The following MRTFB variants were observed in gnomAD, a reference collection of about 807,000 sequenced individuals.
MRTFB encodes the protein myocardin related transcription factor B, also known as myocardin-related transcription factor B.
In MRTFB, 29 loss-of-function variants were observed where a neutral mutation model predicts 104.2. That is an observed-to-expected ratio of 0.28 (90% CI 0.21 to 0.38). The LOEUF is 0.38. Ranked by LOEUF, MRTFB falls within the 10% of genes least tolerant of loss-of-function variation. The pLI, the probability that MRTFB is intolerant of heterozygous loss-of-function variation, is 1.00. For synonymous variants in MRTFB, 535 were observed against 519.5 expected, an observed-to-expected ratio of 1.03 and a Z score of -0.41; for missense variants, 1,270 against 1,341.6, an observed-to-expected ratio of 0.95 and a Z score of 0.83.
intron 16 of MRTFB, among the ~76,000 whole-genome samples, chr16:14,260,354 TAAAAA>T (rs11334309): frequency 1.5e-5 from 2 of 129,226 alleles, no homozygotes; most frequent in African/African-American, 2.7e-5. Flanking sequence ...ACTGTAATGA[TAAAAA>T]AAAAAAAAAG....
At chr16:14,021,920 C>T in the MRTFB span, among the ~76,000 whole-genome samples, 2 of 152,036 alleles carry the variant, frequency 1.3e-5, no homozygotes, top group Non-Finnish European at 2.9e-5. Context: ...ACTTATTTCC[C>T]GCCGGGTAGA....
At chr16:14,068,562 T>G (rs553142728), upstream of MRTFB, among the ~76,000 whole-genome samples, 1 of 152,208 alleles carries the variant, frequency 6.6e-6, no homozygotes, top group South Asian at 2.1e-4. Context: ...TTGTTGCGTG[T>G]TGTTGTGTGT....
chr16:14,061,232 G>C, the MRTFB span, among the ~76,000 whole-genome samples: 1 of 152,124 alleles, frequency 6.6e-6, no homozygotes, highest in Admixed American at 6.5e-5. Flanking sequence ...TCTCAACAGA[G>C]CCAGCGCCAT....
chr16:14,188,438 C>T (rs1292757714), intron 3 of MRTFB, among the ~76,000 whole-genome samples: 1 of 151,362 alleles, frequency 6.6e-6, no homozygotes, highest in Non-Finnish European at 1.5e-5. Flanking sequence ...AAAAAGATGT[C>T]ACAACAGCAA....
chr16:14,069,726 C>T (rs2033583104), upstream of MRTFB, among the ~76,000 whole-genome samples: 1 of 152,316 alleles, frequency 6.6e-6, no homozygotes, highest in African/African-American at 2.4e-5. Context: ...AAGTGATCCT[C>T]CTGACTGGAC....
At chr16:14,244,423 C>T (rs2042926497) in intron 10 of MRTFB, among the ~76,000 whole-genome samples, 1 of 152,090 alleles carries the variant, frequency 6.6e-6, no homozygotes, top group African/African-American at 2.4e-5. Flanking sequence ...ATTGTGGGAT[C>T]ATAGGATAGG....
At position 14,171,310 on chromosome 16, in the gene MRTFB, C is replaced by T. The variant is rs141460521; in HGVS notation, c.154+30550C>T. ...AAATATACATAGTCTGGGCATGGTGCTCACGCCTGTAATCCCAGCACTTTG... is the reference window on the plus strand; with the variant it reads ...AAATATACATAGTCTGGGCATGGTGTTCACGCCTGTAATCCCAGCACTTTG... On this transcript the variant is annotated intron_variant, in intron 3 of 16. Coordinates refer to ENST00000571589, the MANE Select transcript of MRTFB (RefSeq NM_001308142.2). Among the ~76,000 whole-genome samples, 3 of 152,270 alleles carry T rather than the reference C, an allele frequency of 2.0e-5. No homozygotes were observed. In the East Asian group the frequency reaches 5.8e-4, roughly 29 times the overall value.
Position 14,246,505 on chromosome 16 carries a change from G to A in MRTFB, c.1245G>A (p.Arg415=). Reference sequence around the variant, plus strand: ...AACTGAAGACAGAACTGAAGTTAAGGGGTCTGCCAGTGTCAGGCACCAAAC... The same window carrying A: ...AACTGAAGACAGAACTGAAGTTAAGAGGTCTGCCAGTGTCAGGCACCAAAC... ...VSELKTELKL[R]GLPVSGTKPD... Residue 415 remains arginine (R), a synonymous_variant, in exon 12 of 17, where the codon AGG becomes AGA. Coordinates refer to ENST00000571589, the MANE Select transcript of MRTFB (RefSeq NM_001308142.2). 6.2e-7 allele frequency: 1 copy of A among 1,614,090 alleles called. No homozygotes were observed. The highest frequency in any genetic ancestry group is 1.1e-5 in the South Asian group (1 of 91,064).
At chr16:14,220,286 A>G (rs2041630929) in intron 8 of MRTFB, among the ~76,000 whole-genome samples, 1 of 152,216 alleles carries the variant, frequency 6.6e-6, no homozygotes, top group Admixed American at 6.5e-5. Flanking sequence ...AGTAGATACC[A>G]TTAACAAACA....
At chr16:14,137,222 C>T (rs921761599) in intron 2 of MRTFB, among the ~76,000 whole-genome samples, 1 of 152,074 alleles carries the variant, frequency 6.6e-6, no homozygotes, top group Non-Finnish European at 1.5e-5. Context: ...GTAGATTAGT[C>T]TATACCCTCT....
Position 14,246,844 on chromosome 16 carries a change from GATT to G in MRTFB, c.1587_1589del (p.Ile529del). 1 of 1,612,688 alleles carries G rather than the reference GATT, an allele frequency of 6.2e-7. No individual in the cohort carries two copies. Among genetic ancestry groups the G allele is most frequent in the Non-Finnish European group, 8.5e-7 (1 of 1,180,028 alleles). On this transcript the variant is annotated inframe_deletion, in exon 12 of 17. Transcript: ENST00000571589. ...CAAACATGGCAGACACTTTCACCGA[GATT>G]ATGACCATGATGTCGCCTTCACAGT...
At chr16:14,037,825 C>G in the MRTFB span, among the ~76,000 whole-genome samples, 1 of 152,196 alleles carries the variant, frequency 6.6e-6, no homozygotes, top group Non-Finnish European at 1.5e-5. Context: ...ACTGACATCT[C>G]TACCTTCTCT....
intron 3 of MRTFB, chr16:14,144,512 G>A (rs2038190758): frequency 1.3e-5 from 2 of 152,018 alleles, no homozygotes; most frequent in Admixed American, 1.3e-4. Flanking sequence ...TAATAACAAT[G>A]TATTGTATTG....
At position 14,246,841 on chromosome 16, in the gene MRTFB, C is replaced by A; in HGVS notation, c.1581C>A (p.Thr527=). Reference sequence around the variant, plus strand: ...ACACAAACATGGCAGACACTTTCACCGAGATTATGACCATGATGTCGCCTT... The same window carrying A: ...ACACAAACATGGCAGACACTTTCACAGAGATTATGACCATGATGTCGCCTT... ...TDDTNMADTF[T]EIMTMMSPSQ... is the part of the protein sequence containing the mutation. The change falls in exon 12 of 17, where the codon ACC becomes ACA. Residue 527 remains threonine, a synonymous_variant. Coordinates refer to ENST00000571589, the MANE Select transcript of MRTFB (RefSeq NM_001308142.2). The A allele has an allele frequency of 6.2e-7, 1 of 1,612,640 alleles. No individual in the cohort carries two copies. Among genetic ancestry groups the A allele is most frequent in the Non-Finnish European group, 8.5e-7 (1 of 1,180,024 alleles).
At chr16:14,001,305 G>T in the MRTFB span, among the ~76,000 whole-genome samples, 1 of 152,202 alleles carries the variant, frequency 6.6e-6, no homozygotes, top group Non-Finnish European at 1.5e-5. Flanking sequence ...ATACCATCAG[G>T]ATTGGGTTTC....
chr16:14,143,695 C>G (rs1034175673), intron 3 of MRTFB: 2 of 151,940 alleles, frequency 1.3e-5, no homozygotes, highest in Non-Finnish European at 2.9e-5. Flanking sequence ...ATCACAAGTA[C>G]CATTCACAAA....
At chr16:14,044,362 C>T in the MRTFB span, among the ~76,000 whole-genome samples, 1 of 152,198 alleles carries the variant, frequency 6.6e-6, no homozygotes, top group Non-Finnish European at 1.5e-5. Flanking sequence ...CTTACGGTCC[C>T]ATGTCTAGCA....
chr16:14,025,006 CT>C, the MRTFB span, among the ~76,000 whole-genome samples: 1 of 152,102 alleles, frequency 6.6e-6, no homozygotes, highest in East Asian at 1.9e-4. Context: ...ATAGCTTTTC[CT>C]TTTTTTGTAA....
In MRTFB at chr16:14,261,215, G is replaced by A. The variant is rs775041214; in HGVS notation, c.3071G>A (p.Gly1024Asp). Residue 1024 changes from glycine (G) to aspartate (D), a missense_variant, in exon 17 of 17, where the codon GGT (glycine) becomes GAT (aspartate). Physicochemically the swap from Gly to Asp is moderately conservative, Grantham distance 94 (BLOSUM62 -1). This residue lies in a region of MRTFB where 1,144 missense variants were observed against 1,131.5 expected (regional missense o/e 1.01). Transcript: ENST00000571589. The stretch of plus-strand genomic sequence containing the variant: ...CAGAATGATCTGCTGAGTCACTCAG[G>A]TATGCTGGACCATTCACACTCACCC... ...DLQNDLLSHS[G>D]MLDHSHSPME... 1 of 1,614,094 alleles carries A rather than the reference G, an allele frequency of 6.2e-7. No homozygotes were observed. Among genetic ancestry groups the A allele is most frequent in the Non-Finnish European group, 8.5e-7 (1 of 1,180,024 alleles).
Sources: allele counts gnomAD v4.1 joint callset (sites outside exome capture counted in the v4.1 genomes callset), GRCh38; gene constraint gnomAD v4.1.1; regional missense constraint gnomAD v4.1.1; transcripts MANE v1.5; gene names NCBI Gene and HGNC (gene_info 2026-07-23, HGNC 2026-07-21).